RPIA: variants seen among roughly 807,000 people sequenced by gnomAD.
RPIA encodes the protein ribose 5-phosphate isomerase A.
In RPIA, 29 loss-of-function variants were observed where a neutral mutation model predicts 37.8. The observed-to-expected ratio is 0.77, with a 90% CI of 0.57 to 1.05. The LOEUF (loss-of-function observed/expected upper bound fraction) is 1.05. RPIA is among the 50% of genes least tolerant of loss of function. RPIA has a pLI of 0.00. For missense variants in RPIA, 385 were observed against 413.6 expected, an observed-to-expected ratio of 0.93 and a Z score of 0.60; for synonymous variants, 167 against 157.0, an observed-to-expected ratio of 1.06 and a Z score of -0.48.
In RPIA at chr2:88,691,978, G is replaced by C; in HGVS notation, c.280G>C (p.Val94Leu). 1.3e-6 allele frequency: 2 copies of C among 1,587,046 alleles called. No individual in the cohort carries two copies. Among genetic ancestry groups the C allele is most frequent in the East Asian group, 4.6e-5 (2 of 43,628 alleles). ...LAGRAAVENHVRNNQVLGIGS... is the reference protein window; with the variant it reads ...LAGRAAVENHLRNNQVLGIGS... The stretch of plus-strand genomic sequence containing the variant: ...GGGCCGCGCGGCTGTGGAGAACCAC[G>C]TGAGGGTGAGCACTTCGAAACGTGG... The change falls in exon 1 of 9, where the codon GTG (valine) becomes CTG (leucine). Residue 94 changes from valine to leucine, a missense_variant. Physicochemically the swap from Val to Leu is conservative, Grantham distance 32 (BLOSUM62 1). Around this residue, in one of 2 missense-constraint regions of RPIA, gnomAD observed 232 missense variants for 203.0 expected, o/e 1.14. Transcript: ENST00000283646.
At position 88,698,554 on chromosome 2, in the gene RPIA, C is replaced by G; in HGVS notation, c.346+10C>G. ...GCTGTGCAGCGAATAGGTATGCTCT[C>G]TCACTGTCTACTGGATGTTTTGTGT... On this transcript the variant is annotated intron_variant, in intron 2 of 8. Coordinates refer to ENST00000283646, the MANE Select transcript of RPIA (RefSeq NM_144563.3). 6.2e-7 allele frequency: 1 copy of G among 1,611,400 alleles called. No individual in the cohort carries two copies. The highest frequency in any genetic ancestry group is 8.5e-7 in the Non-Finnish European group (1 of 1,177,492).
At chr2:88,696,593 T>C (rs1227573642) in intron 1 of RPIA, among the ~76,000 whole-genome samples, 1 of 152,054 alleles carries the variant, frequency 6.6e-6, no homozygotes, top group African/African-American at 2.4e-5. Context: ...AAATCACACA[T>C]ATATAAAACA....
intron 3 of RPIA, among the ~76,000 whole-genome samples, chr2:88,711,483 T>A (rs557826925): frequency 1.3e-5 from 2 of 152,304 alleles, no homozygotes; most frequent in African/African-American, 4.8e-5. Context: ...TAGAAGGGAA[T>A]GTTTGGGTGA....
At chr2:88,721,562 CACACACA>C (rs1673129372) in intron 3 of RPIA, among the ~76,000 whole-genome samples, 2 of 70,576 alleles carry the variant, frequency 2.8e-5, no homozygotes, top group African/African-American at 5.1e-5. Context: ...CACACACACA[CACACACA>C]CACCCCCCCC....
chr2:88,734,493 G>T, intron 4 of RPIA, 59 bp from the exon 5 acceptor site: 1 of 1,525,448 alleles, frequency 6.6e-7, no homozygotes, highest in Non-Finnish European at 9.1e-7. Flanking sequence ...GCATGCTCAG[G>T]CAATTAGCAG....
At chr2:88,699,202 G>A (rs1236676477) in intron 2 of RPIA, among the ~76,000 whole-genome samples, 1 of 152,180 alleles carries the variant, frequency 6.6e-6, no homozygotes, top group African/African-American at 2.4e-5. Flanking sequence ...GTGCTGGTGT[G>A]ATGGCTTCTG....
At chr2:88,715,128 C>T (rs1673017632) in intron 3 of RPIA, among the ~76,000 whole-genome samples, 1 of 152,190 alleles carries the variant, frequency 6.6e-6, no homozygotes, top group Non-Finnish European at 1.5e-5. Flanking sequence ...ATAGGGCCAC[C>T]AATCAAGGAG....
chr2:88,707,803 A>G (rs1008838927), intron 3 of RPIA, among the ~76,000 whole-genome samples: 4 of 152,224 alleles, frequency 2.6e-5, no homozygotes, highest in African/African-American at 9.6e-5. Context: ...TCACAGTAAC[A>G]TAGTGATCTA....
At chr2:88,693,552 T>C (rs2104064121) in intron 1 of RPIA, among the ~76,000 whole-genome samples, 1 of 152,352 alleles carries the variant, frequency 6.6e-6, no homozygotes, top group South Asian at 2.1e-4. Context: ...TTATGTTGTA[T>C]CTCATGTTTT....
intron 3 of RPIA, among the ~76,000 whole-genome samples, chr2:88,713,639 T>G (rs1672992475): frequency 6.6e-6 from 1 of 152,250 alleles, no homozygotes; most frequent in Non-Finnish European, 1.5e-5. Flanking sequence ...ATCATGCGTA[T>G]TCACACTCTG....
chr2:88,708,668 C>G (rs1299180725), intron 3 of RPIA, among the ~76,000 whole-genome samples: 1 of 151,968 alleles, frequency 6.6e-6, no homozygotes, highest in Non-Finnish European at 1.5e-5. Context: ...TGATGTTATC[C>G]AAGAGAAGTT....
intron 3 of RPIA, among the ~76,000 whole-genome samples, chr2:88,721,779 C>G (rs1347186622): frequency 6.7e-6 from 1 of 149,840 alleles, no homozygotes; most frequent in East Asian, 1.9e-4. Flanking sequence ...GCAAATATAT[C>G]TTTAAATACA....
chr2:88,725,178 C>A (rs1240359357), intron 3 of RPIA, among the ~76,000 whole-genome samples: 1 of 152,146 alleles, frequency 6.6e-6, no homozygotes, highest in Admixed American at 6.5e-5. Flanking sequence ...TTTTGCTTCC[C>A]TGTTAGAAGC....
intron 3 of RPIA, among the ~76,000 whole-genome samples, chr2:88,720,623 T>C (rs1190749343): frequency 6.7e-6 from 1 of 149,402 alleles, no homozygotes; most frequent in Non-Finnish European, 1.5e-5. Context: ...AGTTTAAATA[T>C]ATATTATTTA....
At chr2:88,729,406 A>T (rs749178974) in intron 4 of RPIA, 69 bp downstream of exon 4, 3 of 1,405,956 alleles carry the variant, frequency 2.1e-6, no homozygotes, top group Non-Finnish European at 3.0e-6. Flanking sequence ...TCACTTGTTC[A>T]TGGGCTCCAG....
At chr2:88,707,676 A>C (rs1451870929) in intron 3 of RPIA, among the ~76,000 whole-genome samples, 1 of 152,202 alleles carries the variant, frequency 6.6e-6, no homozygotes, top group Admixed American at 6.5e-5. Context: ...TAGACCAGTC[A>C]CAAAAACAAG....
chr2:88,725,022 C>T (rs955122202), intron 3 of RPIA, among the ~76,000 whole-genome samples: 4 of 152,180 alleles, frequency 2.6e-5, no homozygotes, highest in African/African-American at 4.8e-5. Flanking sequence ...AATCATGAGA[C>T]GTTTAGAGGT....
At chr2:88,734,861 T>C (rs753400766) in intron 5 of RPIA, among the ~76,000 whole-genome samples, 1 of 152,210 alleles carries the variant, frequency 6.6e-6, no homozygotes, top group Non-Finnish European at 1.5e-5. Flanking sequence ...TGTGGATTTG[T>C]GTTCTTTTGT....
intron 8 of RPIA, among the ~76,000 whole-genome samples, chr2:88,748,682 TTATATC>T (rs1438346715): frequency 1.2e-4 from 18 of 152,168 alleles, no homozygotes; most frequent in Non-Finnish European, 2.4e-4. Context: ...GAAAAAAAGT[TTATATC>T]TATTCTACTC....
Sources: gnomAD v4.1 joint callset for allele counts (sites outside exome capture counted in the v4.1 genomes callset) on GRCh38, gnomAD v4.1.1 for gene constraint, gnomAD v4.1.1 regional missense constraint, MANE v1.5 for transcripts, NCBI Gene and HGNC (gene_info 2026-07-23, HGNC 2026-07-21) for gene names.